DCAF13: variants seen among roughly 807,000 people sequenced by gnomAD.
DCAF13 encodes DDB1 and CUL4 associated factor 13.
DCAF13 carries 38 observed loss-of-function variants against 59.0 expected under a neutral mutation model. The observed-to-expected ratio is 0.64, with a 90% CI of 0.50 to 0.84. DCAF13 has a LOEUF of 0.84. Ranked by LOEUF, DCAF13 falls within the 40% of genes least tolerant of loss-of-function variation. The pLI, the probability that DCAF13 is intolerant of heterozygous loss-of-function variation, is 0.00. For synonymous variants in DCAF13, 173 were observed against 175.0 expected, an observed-to-expected ratio of 0.99 and a Z score of 0.09; for missense variants, 469 against 558.4, an observed-to-expected ratio of 0.84 and a Z score of 1.61.
chr8:103,440,761 A>G (rs912513266), intron 9 of DCAF13: 2 of 152,454 alleles, frequency 1.3e-5, no homozygotes, highest in East Asian at 1.9e-4. Context: ...AGGTGTTATC[A>G]TTGGCTGGTT....
Position 103,418,875 on chromosome 8 carries a change from T to A in DCAF13, c.71-1389T>A, listed in dbSNP as rs13280792. ...ATATATATATATATATATTTTTTTT[T>A]TTTTTTTTTTTTTTTTTTTTTTTTT... is the stretch of plus-strand genomic sequence containing the variant. On this transcript the variant is annotated intron_variant, in intron 1 of 10. Coordinates refer to ENST00000612750, the MANE Select transcript of DCAF13 (RefSeq NM_015420.7). Among the ~76,000 whole-genome samples the A allele has an allele frequency of 3.2e-3, 136 of 42,838 alleles. 3 individuals carry two copies. The highest frequency in any genetic ancestry group is 0.011 in the East Asian group (14 of 1,252). 28.1% of individuals were successfully genotyped at this position (42,838 alleles called of 152,430 possible).
intron 3 of DCAF13, among the ~76,000 whole-genome samples, chr8:103,421,700 T>C (rs1313948540): frequency 6.6e-6 from 1 of 152,246 alleles, no homozygotes; most frequent in Non-Finnish European, 1.5e-5. Flanking sequence ...TAAAGAATTA[T>C]ACCATTTTGT....
At chr8:103,416,058 C>T (rs1387384077) in intron 1 of DCAF13, among the ~76,000 whole-genome samples, 1 of 152,184 alleles carries the variant, frequency 6.6e-6, no homozygotes, top group African/African-American at 2.4e-5. Context: ...ACATGCTAAC[C>T]ACTTATAAAT....
chr8:103,430,525 A>G lies in DCAF13; in HGVS notation c.625-87A>G, dbSNP rs570576578. On this transcript the variant is annotated intron_variant, in intron 5 of 10. Transcript: ENST00000612750. ...ACTTTGTTTTTTAACATAAATATTA[A>G]GGGCAATTAAATCATTTGTTTACTG... The G allele has an allele frequency of 6.1e-6, 5 of 816,620 alleles. No individual in the cohort carries two copies. The African/African-American group carries it at 8.7e-5, about 14-fold the overall frequency. 50.6% of individuals were successfully genotyped at this position (816,620 alleles called of 1,614,324 possible).
chr8:103,436,456 C>T (rs60825382), intron 8 of DCAF13, among the ~76,000 whole-genome samples: 3 of 152,142 alleles, frequency 2.0e-5, no homozygotes, highest in East Asian at 1.9e-4. Flanking sequence ...CCCATAGTCT[C>T]GTGTGTGTCT....
intron 1 of DCAF13, among the ~76,000 whole-genome samples, chr8:103,419,691 A>G (rs1816695542): frequency 6.6e-6 from 1 of 152,174 alleles, no homozygotes; most frequent in South Asian, 2.1e-4. Context: ...GAACACTTAC[A>G]ACCCAGTTGA....
chr8:103,427,278 T>TA (rs1563504075), intron 5 of DCAF13, 26 bp downstream of exon 5: 14 of 1,582,596 alleles, frequency 8.8e-6, no homozygotes, highest in Non-Finnish European at 1.2e-5. Flanking sequence ...AAGTATGTTT[T>TA]ACTTATTATG....
chr8:103,432,509 A>G (rs1416299878), intron 6 of DCAF13, 150 bp from the exon 7 acceptor site: 4 of 416,822 alleles, frequency 9.6e-6, no homozygotes, highest in Non-Finnish European at 1.7e-5. Flanking sequence ...CTGCCTGTGT[A>G]TTTAAGAAGC....
At chr8:103,423,339 TAC>T (rs909698641) in intron 3 of DCAF13, among the ~76,000 whole-genome samples, 1 of 151,528 alleles carries the variant, frequency 6.6e-6, no homozygotes, top group African/African-American at 2.4e-5. Context: ...AAAAAAAAAG[TAC>T]ACACACACAC....
intron 1 of DCAF13, among the ~76,000 whole-genome samples, chr8:103,416,945 T>C (rs1257439274): frequency 6.6e-6 from 1 of 152,228 alleles, no homozygotes; most frequent in Non-Finnish European, 1.5e-5. Context: ...TCAGAGTAGA[T>C]AGAAATTTTC....
intron 1 of DCAF13, among the ~76,000 whole-genome samples, chr8:103,416,084 C>T (rs959967453): frequency 6.6e-6 from 1 of 152,148 alleles, no homozygotes; most frequent in Non-Finnish European, 1.5e-5. Context: ...TTTGTGATAC[C>T]TAAATGACAA....
chr8:103,435,759 C>A lies in DCAF13; in HGVS notation c.919C>A (p.Arg307=), dbSNP rs201949129. ...FVSASFDKSI[R]IFPVDKSRSR... is the part of the protein sequence containing the mutation. ...GTCTGCTAGTTTCGATAAATCTATT[C>A]GAATCTTTCCTGTAGACAAAAGTCG... is the stretch of plus-strand genomic sequence containing the variant. The change falls in exon 8 of 11, where the codon CGA becomes AGA. Residue 307 remains arginine (R), a synonymous_variant. Transcript: ENST00000612750. 5.0e-6 allele frequency: 8 copies of A among 1,613,526 alleles called. No homozygotes were observed. In the African/African-American group the frequency reaches 6.7e-5, roughly 13 times the overall value.
chr8:103,419,134 C>T (rs1156696160), intron 1 of DCAF13, among the ~76,000 whole-genome samples: 5 of 151,566 alleles, frequency 3.3e-5, no homozygotes, highest in Admixed American at 1.3e-4. Context: ...TCCGTCCGTC[C>T]CGGCCCCCCA....
chr8:103,418,134 AAAAG>A (rs1816651777), intron 1 of DCAF13, among the ~76,000 whole-genome samples: 1 of 152,026 alleles, frequency 6.6e-6, no homozygotes, highest in Non-Finnish European at 1.5e-5. Context: ...TCTCAAAAAA[AAAAG>A]AAAAAAAAAG....
intron 5 of DCAF13, 56 bp from the exon 6 acceptor site, chr8:103,430,556 A>G: frequency 8.6e-7 from 1 of 1,161,372 alleles, no homozygotes; most frequent in Non-Finnish European, 1.3e-6. Context: ...TACTGAATGG[A>G]TGTGGTTTGC....
chr8:103,437,936 G>T (rs970820336), intron 8 of DCAF13, among the ~76,000 whole-genome samples: 5 of 152,086 alleles, frequency 3.3e-5, no homozygotes, highest in African/African-American at 9.7e-5. Context: ...TGTATATAAA[G>T]AATTTAAGCC....
chr8:103,436,397 G>C (rs1422453478), intron 8 of DCAF13, among the ~76,000 whole-genome samples: 1 of 152,088 alleles, frequency 6.6e-6, no homozygotes, highest in African/African-American at 2.4e-5. Context: ...TAGGTATATG[G>C]CTTGGTTGAT....
At chr8:103,428,124 A>G (rs575695370) in intron 5 of DCAF13, 1 of 152,344 alleles carries the variant, frequency 6.6e-6, no homozygotes, top group East Asian at 1.9e-4. Flanking sequence ...TTGAGTCAAA[A>G]TAGTAAGGTA....
chr8:103,427,013 G>A (rs1439978449), intron 4 of DCAF13, 84 bp from the exon 5 acceptor site: 3 of 1,079,176 alleles, frequency 2.8e-6, no homozygotes, highest in Non-Finnish European at 3.9e-6. Flanking sequence ...TAAAAAGATA[G>A]TATAGATAAA....
Sources: gnomAD v4.1 joint callset for allele counts (sites outside exome capture counted in the v4.1 genomes callset) on GRCh38, gnomAD v4.1.1 for gene constraint, MANE v1.5 for transcripts, NCBI Gene and HGNC (gene_info 2026-07-23, HGNC 2026-07-21) for gene names.